Variants in GALNT13 observed in about 807,000 individuals in gnomAD.
GALNT13 encodes UDP-GalNAc:polypeptide N-acetylgalactosaminyltransferase 13.
A neutral mutation model predicts 64.2 loss-of-function variants in GALNT13; 28 were observed. The observed-to-expected ratio is 0.44, with a 90% CI of 0.32 to 0.60. GALNT13 has a LOEUF of 0.60. Ranked by LOEUF, GALNT13 falls within the 20% of genes least tolerant of loss-of-function variation. GALNT13 has a pLI of 0.05. For synonymous variants in GALNT13, 214 were observed against 224.6 expected (o/e 0.95, Z 0.42); for missense variants, 577 against 669.8 (o/e 0.86, Z 1.53).
At chr2:153,462,653 T>G in the GALNT13 span, among the ~76,000 whole-genome samples, 1 of 152,120 alleles carries the variant, frequency 6.6e-6, no homozygotes, top group Admixed American at 6.6e-5. Context: ...CCTTCCCTGT[T>G]GTTTAGAATC....
At chr2:153,634,440 A>G in the GALNT13 span, among the ~76,000 whole-genome samples, 1 of 151,888 alleles carries the variant, frequency 6.6e-6, no homozygotes, top group African/African-American at 2.4e-5. Flanking sequence ...AGAGGTAAAG[A>G]CATGAAATCC....
chr2:154,087,096 C>T (rs59449530), intron 3 of GALNT13, among the ~76,000 whole-genome samples: 27,769 of 151,770 alleles, frequency 0.18, 4,639 homozygotes, highest in East Asian at 0.74. Context: ...TTTACATTAA[C>T]GAGAAACCTT....
intron 3 of GALNT13, among the ~76,000 whole-genome samples, chr2:154,127,020 A>T (rs916155567): frequency 6.6e-6 from 1 of 152,218 alleles, no homozygotes; most frequent in Admixed American, 6.5e-5. Flanking sequence ...CTAAAAGAAT[A>T]CTCAGCTGCA....
the GALNT13 span, among the ~76,000 whole-genome samples, chr2:153,585,394 A>C: frequency 3.3e-5 from 5 of 152,216 alleles, no homozygotes; most frequent in African/African-American, 9.6e-5. Context: ...AGCAAACATA[A>C]AAAAGAATAA....
At chr2:153,078,226 T>G in the GALNT13 span, among the ~76,000 whole-genome samples, 29 of 152,248 alleles carry the variant, frequency 1.9e-4, 1 homozygote, top group South Asian at 5.6e-3. Context: ...AATTCTCTTA[T>G]TTTTGTATTA....
chr2:153,536,485 C>CT, the GALNT13 span, among the ~76,000 whole-genome samples: 3 of 151,612 alleles, frequency 2.0e-5, no homozygotes, highest in Non-Finnish European at 4.4e-5. Flanking sequence ...GTTTGTTTAA[C>CT]TTTTTACTTG....
chr2:154,374,728 A>C lies in GALNT13; in HGVS notation c.1157-21263A>C, dbSNP rs571029821. Among the ~76,000 whole-genome samples the C allele has an allele frequency of 1.7e-4, 26 of 152,266 alleles. No homozygotes were observed. The South Asian group carries it at 2.9e-3, about 17-fold the overall frequency. On this transcript the variant is annotated intron_variant, in intron 9 of 12. Transcript: ENST00000392825. ...AAGAAAAGTGTGGCTTCCCTGATGA[A>C]GTGTTGATTCCATATTGAGGTTTGA... is the stretch of plus-strand genomic sequence containing the variant.
the GALNT13 span, among the ~76,000 whole-genome samples, chr2:153,621,979 T>A: frequency 6.6e-6 from 1 of 152,106 alleles, no homozygotes; most frequent in African/African-American, 2.4e-5. Flanking sequence ...AGTAAAAAAA[T>A]GTGTAATTCT....
chr2:153,820,099 A>T, the GALNT13 span, among the ~76,000 whole-genome samples: 1 of 152,264 alleles, frequency 6.6e-6, no homozygotes, highest in Non-Finnish European at 1.5e-5. Context: ...TCACTTAAGG[A>T]ATTTCAAAAT....
chr2:153,328,659 C>T, the GALNT13 span, among the ~76,000 whole-genome samples: 3 of 152,284 alleles, frequency 2.0e-5, no homozygotes, highest in East Asian at 5.8e-4. Flanking sequence ...CCTCCCCATA[C>T]CAAGCTCAAG....
chr2:153,292,456 AG>A, the GALNT13 span, among the ~76,000 whole-genome samples: 5 of 152,214 alleles, frequency 3.3e-5, no homozygotes, highest in Non-Finnish European at 7.3e-5. Flanking sequence ...GGGAAACAGT[AG>A]GAAAAGTATT....
chr2:153,922,926 G>T (rs932514988), intron 2 of GALNT13, among the ~76,000 whole-genome samples: 1 of 151,510 alleles, frequency 6.6e-6, no homozygotes, highest in African/African-American at 2.4e-5. Context: ...TTGAAACAGA[G>T]TCTCCCTCTG....
the GALNT13 span, among the ~76,000 whole-genome samples, chr2:153,343,081 G>C: frequency 2.0e-5 from 3 of 152,172 alleles, no homozygotes; most frequent in African/African-American, 7.2e-5. Flanking sequence ...TGTAACGTTT[G>C]TCACTACAAT....
At chr2:154,286,117 G>A (rs772074240) in intron 8 of GALNT13, among the ~76,000 whole-genome samples, 14 of 152,122 alleles carry the variant, frequency 9.2e-5, no homozygotes, top group East Asian at 1.9e-4. Flanking sequence ...ATATAAGATC[G>A]TGTCATCAGC....
the GALNT13 span, among the ~76,000 whole-genome samples, chr2:153,837,402 A>C: frequency 6.6e-6 from 1 of 151,828 alleles, no homozygotes; most frequent in Non-Finnish European, 1.5e-5. Context: ...TAGATTCTGG[A>C]TATTAGCCCT....
chr2:153,499,463 C>A, the GALNT13 span, among the ~76,000 whole-genome samples: 3 of 152,178 alleles, frequency 2.0e-5, no homozygotes, highest in African/African-American at 7.2e-5. Flanking sequence ...CCCCATGCTT[C>A]AGGCCGTCAC....
At chr2:154,113,242 A>G (rs1703088879) in intron 3 of GALNT13, among the ~76,000 whole-genome samples, 2 of 152,244 alleles carry the variant, frequency 1.3e-5, no homozygotes, top group South Asian at 2.1e-4. Flanking sequence ...CAAAGGCTCC[A>G]GTAAGCCTCC....
intron 4 of GALNT13, among the ~76,000 whole-genome samples, chr2:154,142,223 C>G (rs1353392382): frequency 6.6e-6 from 1 of 152,110 alleles, no homozygotes; most frequent in Non-Finnish European, 1.5e-5. Context: ...TTTACTAACT[C>G]TTATTTTTTT....
chr2:154,368,362 C>T (rs964792655), intron 9 of GALNT13, among the ~76,000 whole-genome samples: 4 of 152,130 alleles, frequency 2.6e-5, no homozygotes, highest in Admixed American at 2.0e-4. Flanking sequence ...ACTAAGGTCA[C>T]ACCCCTCTCT....
Sources: gnomAD v4.1 joint callset for allele counts (sites outside exome capture counted in the v4.1 genomes callset) on GRCh38, gnomAD v4.1.1 for gene constraint, MANE v1.5 for transcripts, NCBI Gene and HGNC (gene_info 2026-07-23, HGNC 2026-07-21) for gene names.